The following PHF24 variants were observed in gnomAD, a reference collection of about 807,000 sequenced individuals.
The protein encoded by PHF24 is PHD finger protein 24, also known as Galpha inhibitory interacting protein.
PHF24 carries 25 observed loss-of-function variants against 42.6 expected under a neutral mutation model. That is an observed-to-expected ratio of 0.59 (90% confidence interval 0.43 to 0.82). The LOEUF is 0.82. Among genes scored for constraint, PHF24 ranks in the 40% least tolerant of loss-of-function variants. The pLI is 0.00. For synonymous variants in PHF24, 185 were observed against 204.8 expected (o/e 0.90, Z 0.83); for missense variants, 470 against 538.1 (o/e 0.87, Z 1.25).
chr9:34,861,851 C>T, the PHF24 span, among the ~76,000 whole-genome samples: 12 of 152,162 alleles, frequency 7.9e-5, no homozygotes, highest in African/African-American at 2.7e-4. Context: ...GTTAAGGCAT[C>T]ACTTTAACCA....
At chr9:34,767,297 TCCC>T in the PHF24 span, among the ~76,000 whole-genome samples, 2 of 152,166 alleles carry the variant, frequency 1.3e-5, no homozygotes, top group East Asian at 3.9e-4. Flanking sequence ...TCCGTGCCCT[TCCC>T]CCAGAGGTGG....
chr9:34,860,852 G>A, the PHF24 span, among the ~76,000 whole-genome samples: 1 of 152,122 alleles, frequency 6.6e-6, no homozygotes, highest in Non-Finnish European at 1.5e-5. Flanking sequence ...ATAAAACTGG[G>A]CAAAGTACAT....
chr9:34,922,207 C>T, the PHF24 span: 1 of 1,591,078 alleles, frequency 6.3e-7, no homozygotes. Flanking sequence ...CCTTCTCCTG[C>T]TTCAGCTTTG....
the PHF24 span, among the ~76,000 whole-genome samples, chr9:34,733,784 T>G: frequency 5.3e-5 from 8 of 152,296 alleles, no homozygotes; most frequent in East Asian, 1.3e-3. Flanking sequence ...ATTACAGGCA[T>G]GTACTACTGT....
chr9:34,791,145 G>A, the PHF24 span, among the ~76,000 whole-genome samples: 1 of 152,330 alleles, frequency 6.6e-6, no homozygotes. Flanking sequence ...CTGACTATAG[G>A]AGTAGAAGTG....
At chr9:34,698,583 T>C in the PHF24 span, among the ~76,000 whole-genome samples, 4 of 152,092 alleles carry the variant, frequency 2.6e-5, no homozygotes, top group African/African-American at 9.7e-5. Flanking sequence ...CAGGTTCAAG[T>C]GGTTCTCCTG....
chr9:34,843,353 G>A, the PHF24 span, among the ~76,000 whole-genome samples: 1 of 152,096 alleles, frequency 6.6e-6, no homozygotes, highest in Non-Finnish European at 1.5e-5. Flanking sequence ...TGGAAAGTGT[G>A]TATCTCACAA....
chr9:34,679,426 AG>A, the PHF24 span, among the ~76,000 whole-genome samples: 1 of 152,330 alleles, frequency 6.6e-6, no homozygotes, highest in East Asian at 1.9e-4. Context: ...TTCTGGAACT[AG>A]TTTAGAGTGG....
the PHF24 span, among the ~76,000 whole-genome samples, chr9:34,739,517 T>G: frequency 6.6e-6 from 1 of 152,228 alleles, no homozygotes; most frequent in African/African-American, 2.4e-5. Context: ...ACTTCAAGAA[T>G]GAAGCCGTGG....
the PHF24 span, among the ~76,000 whole-genome samples, chr9:34,804,646 G>A: frequency 2.0e-5 from 3 of 152,142 alleles, no homozygotes; most frequent in Non-Finnish European, 4.4e-5. Flanking sequence ...TCAACTAATT[G>A]CAGTTTTGGG....
At chr9:34,975,164 G>C (rs1405314023) in intron 3 of PHF24, among the ~76,000 whole-genome samples, 1 of 152,058 alleles carries the variant, frequency 6.6e-6, no homozygotes, top group East Asian at 1.9e-4. Flanking sequence ...GGCCTAATTT[G>C]AGGGGCTCGA....
the PHF24 span, among the ~76,000 whole-genome samples, chr9:34,753,758 A>G: frequency 6.6e-6 from 1 of 152,204 alleles, no homozygotes; most frequent in East Asian, 1.9e-4. Context: ...AGGTACAGTA[A>G]CCAAAACAGC....
intron 6 of PHF24, 147 bp from the exon 7 acceptor site, chr9:34,977,399 A>G (rs1177211971): frequency 1.7e-6 from 2 of 1,198,756 alleles, no homozygotes; most frequent in African/African-American, 1.5e-5. Flanking sequence ...GGGCCAGGGC[A>G]TAGGACAGCC....
At chr9:34,667,746 T>A in the PHF24 span, among the ~76,000 whole-genome samples, 1 of 152,132 alleles carries the variant, frequency 6.6e-6, no homozygotes, top group Non-Finnish European at 1.5e-5. Flanking sequence ...GTGCAATCCA[T>A]CCAGGGCTGG....
chr9:34,977,183 G>GC lies in PHF24; in HGVS notation c.952dup (p.Arg318ProfsTer30), dbSNP rs766480724. 6.2e-7 allele frequency: 1 copy of GC among 1,613,758 alleles called. No individual in the cohort carries two copies. The highest frequency in any genetic ancestry group is 8.5e-7 in the Non-Finnish European group (1 of 1,179,804). On this transcript the variant is annotated frameshift_variant, in exon 6 of 8. Coordinates refer to ENST00000242315, the Ensembl canonical transcript of PHF24. LOFTEE classifies it high-confidence loss of function. ...AGCACCGTCAGTGAGGCAGAGTGCCGCCGGGCCCAGCACTCTTGGTTTTGC... is the reference window on the plus strand; with the variant it reads ...AGCACCGTCAGTGAGGCAGAGTGCCGCCCGGGCCCAGCACTCTTGGTTTTGC...
At chr9:34,895,975 G>A in the PHF24 span, among the ~76,000 whole-genome samples, 53 of 152,218 alleles carry the variant, frequency 3.5e-4, no homozygotes, top group Admixed American at 1.6e-3. Flanking sequence ...ACAGAGCCTG[G>A]GGCAAAAGAT....
chr9:34,710,839 C>A, the PHF24 span, among the ~76,000 whole-genome samples: 1 of 152,150 alleles, frequency 6.6e-6, no homozygotes, highest in African/African-American at 2.4e-5. Flanking sequence ...CCAGTCTGGT[C>A]TTGAACTCCT....
At chr9:34,890,298 T>C in the PHF24 span, among the ~76,000 whole-genome samples, 1 of 152,190 alleles carries the variant, frequency 6.6e-6, no homozygotes, top group African/African-American at 2.4e-5. Context: ...TCCAGCTGCT[T>C]TGAATGTCAT....
At chr9:34,891,565 G>A in the PHF24 span, among the ~76,000 whole-genome samples, 8 of 152,314 alleles carry the variant, frequency 5.3e-5, no homozygotes, top group East Asian at 1.2e-3. Context: ...TGGTCATCAG[G>A]TCACAGGATG....
Sources: gnomAD v4.1 joint callset for allele counts (sites outside exome capture counted in the v4.1 genomes callset) on GRCh38, gnomAD v4.1.1 for gene constraint, MANE v1.5 for transcripts, NCBI Gene and HGNC (gene_info 2026-07-23, HGNC 2026-07-21) for gene names.